RBL2: variants seen among roughly 807,000 people sequenced by gnomAD.
The protein encoded by RBL2 is retinoblastoma-like protein 2.
RBL2 carries 56 observed loss-of-function variants against 126.0 expected under a neutral mutation model. The ratio of observed to expected loss-of-function variants is 0.44; its 90% CI spans 0.36 to 0.56. The LOEUF (loss-of-function observed/expected upper bound fraction) is 0.56. Ranked by LOEUF, RBL2 falls within the 20% of genes least tolerant of loss-of-function variation. The pLI, the probability that RBL2 is intolerant of heterozygous loss-of-function variation, is 0.00. For missense variants in RBL2, 1,229 were observed against 1,398.2 expected (o/e 0.88, Z 1.93); for synonymous variants, 454 against 478.5 (o/e 0.95, Z 0.67).
intron 14 of RBL2, among the ~76,000 whole-genome samples, chr16:53,468,674 C>G (rs1472130208): frequency 1.3e-5 from 2 of 152,052 alleles, no homozygotes; most frequent in Non-Finnish European, 2.9e-5. Flanking sequence ...AGTTTATTTA[C>G]TTTTGTATCA....
intron 10 of RBL2, 23 bp from the exon 11 acceptor site, chr16:53,462,529 T>G (rs770582895): frequency 2.1e-5 from 28 of 1,324,122 alleles, no homozygotes; most frequent in African/African-American, 1.2e-4. Flanking sequence ...TTTGTGGGGT[T>G]TTTTTTTTTA....
Position 53,465,440 on chromosome 16 carries a change from G to C in RBL2, c.1701G>C (p.Val567=). 7.0e-7 allele frequency: 1 copy of C among 1,424,690 alleles called. No individual in the cohort carries two copies. Among genetic ancestry groups the C allele is most frequent in the Non-Finnish European group, 9.2e-7 (1 of 1,082,358 alleles). The allele number at this position is 1,424,690 out of a possible 1,614,324, so 88.3% of individuals were successfully genotyped here. A position where few individuals can be genotyped will look rare whatever the true frequency, so the allele number is the denominator to read the frequency against. Residue 567 remains valine, a splice_region_variant and synonymous_variant, in exon 13 of 22, where the codon GTG becomes GTC. Coordinates refer to ENST00000262133, the MANE Select transcript of RBL2 (RefSeq NM_005611.4). ...AACCAAGACATTTTTTATTTCAGGT[G>C]ATAGAAGTATTCATTAGAGCAGAAG... ...FDVPLYHFYK[V]IEVFIRAEDG... is the part of the protein sequence containing the mutation.
rs1555566426 is a variant in RBL2, at chr16:53,457,258, C to CCTTTTTTTTTTTTTTTTTTTTT, written c.1180-2193_1180-2192insCTTTTTTTTTTTTTTTTTTTTT. Among the ~76,000 whole-genome samples, 376 of 89,886 alleles carry CCTTTTTTTTTTTTTTTTTTTTT rather than the reference C, an allele frequency of 4.2e-3. 43 individuals are homozygous for CCTTTTTTTTTTTTTTTTTTTTT. Among genetic ancestry groups the CCTTTTTTTTTTTTTTTTTTTTT allele is most frequent in the South Asian group, 0.01 (25 of 2,470 alleles). 59.0% of individuals were successfully genotyped at this position (89,886 alleles called of 152,430 possible). ...GGGTCATCAGGGTGGGTACAGATAG[C>CCTTTTTTTTTTTTTTTTTTTTT]TTTTTTTTTTTTTTTTTTTGAGATG... On this transcript the variant is annotated intron_variant, in intron 8 of 21. Transcript: ENST00000262133.
At chr16:53,464,470 AT>A (rs748495131) in intron 12 of RBL2, 107 bp downstream of exon 12, 127 of 970,966 alleles carry the variant, frequency 1.3e-4, no homozygotes, top group Non-Finnish European at 1.3e-4. Flanking sequence ...TTCTGTTTTT[AT>A]TTACATAGTT....
intron 21 of RBL2, among the ~76,000 whole-genome samples, chr16:53,482,899 C>G (rs544480556): frequency 7.3e-5 from 11 of 150,880 alleles, no homozygotes; most frequent in African/African-American, 2.7e-4. Context: ...GGTAAGAGGA[C>G]GGGGAAGGTA....
At chr16:53,436,091 T>C (rs1389853910) in intron 1 of RBL2, among the ~76,000 whole-genome samples, 1 of 152,262 alleles carries the variant, frequency 6.6e-6, no homozygotes, top group African/African-American at 2.4e-5. Flanking sequence ...CTGAGTAAGC[T>C]ATGTTCCTAT....
chr16:53,484,047 A>AAAG (rs1961062189), intron 21 of RBL2, among the ~76,000 whole-genome samples: 1 of 152,248 alleles, frequency 6.6e-6, no homozygotes, highest in African/African-American at 2.4e-5. Flanking sequence ...CAAATATTTA[A>AAAG]AAGATATACT....
intron 20 of RBL2, 41 bp downstream of exon 20, chr16:53,480,810 G>C: frequency 6.4e-7 from 1 of 1,555,210 alleles, no homozygotes; most frequent in South Asian, 1.1e-5. Flanking sequence ...TTTCACTCAT[G>C]AGTGTTGAGG....
chr16:53,454,774 G>A lies in RBL2; in HGVS notation c.1111G>A (p.Ala371Thr), dbSNP rs371003080. 14 of 1,613,870 alleles carry A rather than the reference G, an allele frequency of 8.7e-6. No individual in the cohort carries two copies. Among genetic ancestry groups the A allele is most frequent in the African/African-American group, 6.7e-5 (5 of 74,908 alleles). The change falls in exon 8 of 22, where the codon GCT becomes ACT. Residue 371 changes from alanine to threonine, a missense_variant. By Grantham distance (58) the Ala-to-Thr change is moderately conservative. Transcript: ENST00000262133. ...TGGGACTCTCTCAAGGTGTCTGAAC[G>A]CTGGTTCAGGAACAGAGACTGCTGA... ...EIGTLSRCLN[A>T]GSGTETAERV...
At chr16:53,469,444 C>T (rs952693005) in intron 14 of RBL2, among the ~76,000 whole-genome samples, 5 of 151,988 alleles carry the variant, frequency 3.3e-5, no homozygotes, top group African/African-American at 7.3e-5. Flanking sequence ...AAACCGGTGG[C>T]GGAATGCTCC....
Position 53,479,191 on chromosome 16 carries a change from G to T in RBL2, c.2741G>T (p.Arg914Leu). 6.2e-7 allele frequency: 1 copy of T among 1,613,942 alleles called. No individual in the cohort carries two copies. Among genetic ancestry groups the T allele is most frequent in the Non-Finnish European group, 8.5e-7 (1 of 1,179,872 alleles). The change falls in exon 18 of 22, where the codon CGT becomes CTT. Residue 914 changes from arginine to leucine, a missense_variant. Arg to Leu is a moderately radical substitution (Grantham distance 102). Transcript: ENST00000262133. ...KEDKSFQNIM[R>L]CYRTQPQARS... The stretch of plus-strand genomic sequence containing the variant: ...GATAAGTCCTTCCAGAACATTATGC[G>T]TTGTTATAGGACTCAGCCGCAGGCC...
chr16:53,444,552 TAATA>T (rs34915161), intron 3 of RBL2, among the ~76,000 whole-genome samples: 422 of 143,350 alleles, frequency 2.9e-3, no homozygotes, highest in Non-Finnish European at 4.4e-3. Flanking sequence ...GACTCCATTT[TAATA>T]AATAAATAAA....
At position 53,465,423 on chromosome 16, in the gene RBL2, CA is replaced by C. The variant is rs1422849148; in HGVS notation, c.1699-14del. The C allele has an allele frequency of 7.2e-7, 1 of 1,381,214 alleles. No homozygotes were observed. The highest frequency in any genetic ancestry group is 9.5e-7 in the Non-Finnish European group (1 of 1,055,740). 85.6% of individuals were successfully genotyped at this position (1,381,214 alleles called of 1,614,324 possible). On this transcript the variant is annotated splice_polypyrimidine_tract_variant and intron_variant, in intron 12 of 21. Transcript: ENST00000262133. ...TTAATAATTATTCAGTGAACCAAGA[CA>C]TTTTTTATTTCAGGTGATAGAAGTA... is the stretch of plus-strand genomic sequence containing the variant.
chr16:53,453,642 A>C (rs775263492), intron 6 of RBL2, 30 bp downstream of exon 6: 2 of 1,604,444 alleles, frequency 1.2e-6, no homozygotes, highest in East Asian at 4.5e-5. Context: ...ATAACGTGAA[A>C]ATGTTTTCTG....
intron 14 of RBL2, among the ~76,000 whole-genome samples, chr16:53,469,121 T>C (rs985283090): frequency 1.3e-5 from 2 of 152,238 alleles, no homozygotes; most frequent in African/African-American, 2.4e-5. Flanking sequence ...TCCCAGTTAC[T>C]TGGGAGGCTG....
Position 53,442,685 on chromosome 16 carries a change from G to A in RBL2, c.399G>A (p.Lys133=), listed in dbSNP as rs775879950. 3.7e-6 allele frequency: 6 copies of A among 1,613,194 alleles called. No homozygotes were observed. The African/African-American group carries it at 5.3e-5, about 14-fold the overall frequency. ...QSLIEFFNKM[K]KWEDMANLPP... is the part of the protein sequence containing the mutation. ...TAATCGAATTTTTTAATAAGATGAA[G>A]AAGTGGGAAGACATGGCAAATCTAC... The change falls in exon 3 of 22, where the codon AAG becomes AAA. Residue 133 remains lysine, a synonymous_variant. Coordinates refer to ENST00000262133, the MANE Select transcript of RBL2 (RefSeq NM_005611.4).
At chr16:53,476,995 G>A (rs1164884461) in intron 17 of RBL2, among the ~76,000 whole-genome samples, 1 of 151,948 alleles carries the variant, frequency 6.6e-6, no homozygotes, top group Admixed American at 6.6e-5. Flanking sequence ...TTGCAGCTTT[G>A]CTTTTGCATT....
In RBL2 at chr16:53,477,429, C is replaced by G. The variant is rs551587359; in HGVS notation, c.2704-1725C>G. ...CTCAACTCACTGTAACCTCTGCCTC[C>G]CGGGCTCAAATGATCCTTCTGCCTC... On this transcript the variant is annotated intron_variant, in intron 17 of 21. Coordinates refer to ENST00000262133, the MANE Select transcript of RBL2 (RefSeq NM_005611.4). 2.6e-5 allele frequency among the ~76,000 whole-genome samples: 4 copies of G among 152,290 alleles called. 1 individual carries two copies. Among genetic ancestry groups the G allele is most frequent in the African/African-American group, 9.6e-5 (4 of 41,546 alleles).
At chr16:53,478,911 C>A in intron 17 of RBL2, 1 of 435,216 alleles carries the variant, frequency 2.3e-6, no homozygotes, top group Non-Finnish European at 4.1e-6. Flanking sequence ...TGTGAACCAC[C>A]GCACCTGGCC....
Sources: allele counts gnomAD v4.1 joint callset (sites outside exome capture counted in the v4.1 genomes callset), GRCh38; gene constraint gnomAD v4.1.1; transcripts MANE v1.5; gene names NCBI Gene and HGNC (gene_info 2026-07-23, HGNC 2026-07-21).